Variants in PTBP3 observed in about 807,000 individuals in gnomAD.
PTBP3 encodes polypyrimidine tract binding protein 3.
PTBP3 carries 20 observed loss-of-function variants against 58.7 expected under a neutral mutation model. That is an observed-to-expected ratio of 0.34 (90% CI 0.24 to 0.50). PTBP3 has a LOEUF of 0.50. Ranked by LOEUF, PTBP3 falls within the 20% of genes least tolerant of loss-of-function variation. PTBP3 has a pLI of 0.98. For synonymous variants in PTBP3, 185 were observed against 219.8 expected (o/e 0.84, Z 1.40); for missense variants, 509 against 637.2 (o/e 0.80, Z 2.17).
chr9:112,226,801 T>C (rs1411918667), intron 12 of PTBP3, among the ~76,000 whole-genome samples: 2 of 152,196 alleles, frequency 1.3e-5, no homozygotes, highest in Non-Finnish European at 2.9e-5. Flanking sequence ...TCACAAAATA[T>C]TTTGCTTCCA....
At chr9:112,338,503 C>A (rs151062251), upstream of PTBP3, among the ~76,000 whole-genome samples, 1,110 of 152,198 alleles carry the variant, frequency 7.3e-3, 42 homozygotes, top group Admixed American at 0.061. Flanking sequence ...AATAAAGAAA[C>A]CTTGGCTGAG....
At chr9:112,320,092 G>C (rs936631397) in intron 1 of PTBP3, among the ~76,000 whole-genome samples, 3 of 151,682 alleles carry the variant, frequency 2.0e-5, no homozygotes, top group African/African-American at 7.3e-5. Context: ...GAGATCAATT[G>C]TTTAACATGG....
chr9:112,279,762 C>G (rs1827776659), intron 2 of PTBP3, among the ~76,000 whole-genome samples: 1 of 152,082 alleles, frequency 6.6e-6, no homozygotes. Flanking sequence ...TTTGAGTCAT[C>G]TAAACCATAA....
At chr9:112,301,400 G>C (rs189314886) in intron 1 of PTBP3, among the ~76,000 whole-genome samples, 3 of 151,800 alleles carry the variant, frequency 2.0e-5, no homozygotes, top group African/African-American at 7.2e-5. Context: ...ATTGCTGGTA[G>C]CAATGTAAAA....
chr9:112,295,834 T>A (rs533195072), intron 2 of PTBP3, among the ~76,000 whole-genome samples: 1 of 152,152 alleles, frequency 6.6e-6, no homozygotes, highest in Non-Finnish European at 1.5e-5. Context: ...CATTAACATA[T>A]AACTCTAACA....
At position 112,220,477 on chromosome 9, in the gene PTBP3, A is replaced by G; in HGVS notation, c.*3374T>C. The G allele has an allele frequency of 1.9e-6, 2 of 1,078,718 alleles. No individual in the cohort carries two copies. The highest frequency in any genetic ancestry group is 5.0e-5 in the South Asian group (2 of 40,192). The allele number at this position is 1,078,718 out of a possible 1,614,324, so 66.8% of individuals were successfully genotyped here. A position where few individuals can be genotyped will look rare whatever the true frequency, so the allele number is the denominator to read the frequency against. On this transcript the variant is annotated 3_prime_UTR_variant, in exon 14 of 14. Transcript: ENST00000374257. ...AACCCATGATTATCATACTAGGTGG[A>G]GCCAAAGAAGGCCTCACTGTCATAA...
At chr9:112,262,782 C>A (rs1031212820) in intron 4 of PTBP3, among the ~76,000 whole-genome samples, 183 bp from the exon 5 acceptor site, 3 of 152,140 alleles carry the variant, frequency 2.0e-5, no homozygotes, top group Non-Finnish European at 4.4e-5. Flanking sequence ...CCCTGCATAC[C>A]ACAATGACAC....
intron 1 of PTBP3, among the ~76,000 whole-genome samples, chr9:112,303,095 CA>C (rs776774291): frequency 1.1e-4 from 16 of 152,232 alleles, no homozygotes; most frequent in Non-Finnish European, 2.1e-4. Context: ...GGCAATGAAA[CA>C]ATCTTTCTAA....
chr9:112,320,314 A>ATATATATATATT lies in PTBP3; in HGVS notation c.-52+13155_-52+13156insAATATATATATA. On this transcript the variant is annotated intron_variant, in intron 1 of 13. Transcript: ENST00000374257. ...AAAATATATATATATATATATATAT[A>ATATATATATATT]TTTTTTTTTAAGTGTTATCACCAGA... 9.2e-4 allele frequency among the ~76,000 whole-genome samples: 70 copies of ATATATATATATT among 75,680 alleles called. 2 individuals are homozygous for ATATATATATATT. The highest frequency in any genetic ancestry group is 1.9e-3 in the East Asian group (6 of 3,228). 49.6% of individuals were successfully genotyped at this position (75,680 alleles called of 152,430 possible). A position where few individuals can be genotyped will look rare whatever the true frequency, so the allele number is the denominator to read the frequency against.
At chr9:112,361,109 T>G in the PTBP3 span, among the ~76,000 whole-genome samples, 21,599 of 152,122 alleles carry the variant, frequency 0.14, 2,138 homozygotes, top group East Asian at 0.24. Flanking sequence ...TATTTTTTGT[T>G]TTTTTGAGAC....
chr9:112,367,540 A>G, the PTBP3 span, among the ~76,000 whole-genome samples: 2 of 152,168 alleles, frequency 1.3e-5, no homozygotes, highest in African/African-American at 2.4e-5. Flanking sequence ...GTTAGTTGGC[A>G]GGTATAGTAT....
chr9:112,371,172 A>G, the PTBP3 span, among the ~76,000 whole-genome samples: 1 of 152,242 alleles, frequency 6.6e-6, no homozygotes, highest in Non-Finnish European at 1.5e-5. Flanking sequence ...AAGTGCCCAA[A>G]GTAGACATCT....
chr9:112,350,690 C>T, the PTBP3 span, among the ~76,000 whole-genome samples: 1 of 152,230 alleles, frequency 6.6e-6, no homozygotes, highest in Admixed American at 6.5e-5. Context: ...CTGTCTCTCT[C>T]TCTCTTTTGG....
intron 2 of PTBP3, among the ~76,000 whole-genome samples, chr9:112,296,421 T>C (rs1246739937): frequency 1.3e-5 from 2 of 152,174 alleles, no homozygotes; most frequent in Admixed American, 6.6e-5. Context: ...ATGAGCTTGG[T>C]AGATCCAGTT....
chr9:112,369,576 G>T, the PTBP3 span, among the ~76,000 whole-genome samples: 2 of 152,204 alleles, frequency 1.3e-5, no homozygotes, highest in Non-Finnish European at 2.9e-5. Context: ...TACTCACATT[G>T]TATCTAGGAA....
At chr9:112,300,091 A>G (rs1385702947) in intron 1 of PTBP3, among the ~76,000 whole-genome samples, 1 of 152,248 alleles carries the variant, frequency 6.6e-6, no homozygotes, top group Non-Finnish European at 1.5e-5. Flanking sequence ...GATGGACAAT[A>G]TCATGTTAGT....
At chr9:112,333,023 C>T (rs1281610614) in intron 1 of PTBP3, 11 of 1,275,542 alleles carry the variant, frequency 8.6e-6, no homozygotes, top group Non-Finnish European at 1.1e-5. Context: ...GCTCGCCCCA[C>T]CTCGCCGGTA....
chr9:112,283,007 TA>T (rs2132241705), intron 2 of PTBP3, among the ~76,000 whole-genome samples: 2 of 152,368 alleles, frequency 1.3e-5, no homozygotes, highest in East Asian at 3.9e-4. Flanking sequence ...ACACTCACTC[TA>T]ACCTGCCACC....
At chr9:112,273,257 T>C in intron 3 of PTBP3, among the ~76,000 whole-genome samples, 1 of 152,372 alleles carries the variant, frequency 6.6e-6, no homozygotes, top group East Asian at 1.9e-4. Context: ...TCATTTATAC[T>C]ATTTAAAGGT....
Sources: gnomAD v4.1 joint callset for allele counts (sites outside exome capture counted in the v4.1 genomes callset) on GRCh38, gnomAD v4.1.1 for gene constraint, MANE v1.5 for transcripts, NCBI Gene and HGNC (gene_info 2026-07-23, HGNC 2026-07-21) for gene names.